Variants in ABR observed in about 807,000 individuals in gnomAD.
The protein encoded by ABR is active breakpoint cluster region-related protein.
ABR carries 35 observed loss-of-function variants against 107.2 expected under a neutral mutation model. The ratio of observed to expected loss-of-function variants is 0.33; its 90% CI spans 0.25 to 0.43. The LOEUF is 0.43. Ranked by LOEUF, ABR falls within the 20% of genes least tolerant of loss-of-function variation. The pLI, the probability that ABR is intolerant of heterozygous loss-of-function variation, is 1.00. For missense variants in ABR, 815 were observed against 1,115.2 expected, an observed-to-expected ratio of 0.73 and a Z score of 3.83; for synonymous variants, 498 against 462.0, an observed-to-expected ratio of 1.08 and a Z score of -1.00.
chr17:1,112,553 C>T (rs2038735889), intron 2 of ABR, among the ~76,000 whole-genome samples: 9 of 148,130 alleles, frequency 6.1e-5, no homozygotes, highest in Admixed American at 6.0e-4. Context: ...GCTATGATCG[C>T]ACCACTGCAC....
intron 16 of ABR, among the ~76,000 whole-genome samples, chr17:1,026,140 G>A (rs549779134): frequency 2.0e-5 from 3 of 152,376 alleles, no homozygotes; most frequent in South Asian, 4.1e-4. Flanking sequence ...CTGGATTCCA[G>A]GAGATCATCC....
chr17:1,140,860 A>G (rs977461829), intron 1 of ABR, among the ~76,000 whole-genome samples: 1 of 151,424 alleles, frequency 6.6e-6, no homozygotes. Context: ...TGAGATGACA[A>G]GTGTGAGCCA....
chr17:1,046,816 C>T (rs2031689534), intron 16 of ABR, among the ~76,000 whole-genome samples: 2 of 152,198 alleles, frequency 1.3e-5, no homozygotes, highest in Admixed American at 6.5e-5. Flanking sequence ...CCCCAGTGTC[C>T]TCATCTGTAA....
chr17:1,030,077 G>T (rs2072605844), intron 16 of ABR, among the ~76,000 whole-genome samples: 2 of 152,228 alleles, frequency 1.3e-5, no homozygotes, highest in South Asian at 4.1e-4. Flanking sequence ...CCCGGCGTCT[G>T]CCTGGCCACC....
intron 16 of ABR, chr17:1,031,646 G>C: frequency 3.2e-6 from 4 of 1,254,076 alleles, no homozygotes; most frequent in Non-Finnish European, 2.0e-6. Flanking sequence ...GCCGGGCGCC[G>C]GTGTTGGGGG....
At chr17:1,215,387 C>T (rs2042980804) in intron 1 of ABR, among the ~76,000 whole-genome samples, 1 of 152,210 alleles carries the variant, frequency 6.6e-6, no homozygotes, top group Non-Finnish European at 1.5e-5. Context: ...TGCAGGCGCG[C>T]GCTGCCATGC....
intron 10 of ABR, among the ~76,000 whole-genome samples, chr17:1,063,151 C>T (rs2034245343): frequency 2.2e-5 from 3 of 134,736 alleles, no homozygotes; most frequent in Non-Finnish European, 4.9e-5. Flanking sequence ...GAACTGAGGG[C>T]TATGCATGTT....
At position 1,028,381 on chromosome 17, in the gene ABR, G is replaced by A. The variant is rs553633090; in HGVS notation, c.1792-15217C>T. On this transcript the variant is annotated intron_variant, in intron 16 of 22. Transcript: ENST00000302538. ...CCCAAAGTGCTGGGATGACAGGCGT[G>A]AGCCACCACACTTGGCTAATTTTTG... Among the ~76,000 whole-genome samples, 6 of 152,216 alleles carry A rather than the reference G, an allele frequency of 3.9e-5. No homozygotes were observed. In the South Asian group the frequency reaches 1.2e-3, roughly 32 times the overall value.
intron 5 of ABR, among the ~76,000 whole-genome samples, chr17:1,080,849 C>T (rs892694509): frequency 6.6e-6 from 1 of 152,102 alleles, no homozygotes; most frequent in Non-Finnish European, 1.5e-5. Flanking sequence ...TTTCCTCACG[C>T]CCCCTCCAGT....
chr17:1,125,260 A>C lies in ABR; in HGVS notation c.169T>G (p.Ser57Ala). Residue 57 changes from serine to alanine, a missense_variant, in exon 2 of 23, where the codon TCC becomes GCC. Physicochemically the swap from Ser to Ala is moderately conservative, Grantham distance 99. Around this residue, in one of 5 missense-constraint regions of ABR, gnomAD observed 129 missense variants for 124.8 expected, o/e 1.03. Transcript: ENST00000302538. ...MPYIDESPTM[S>A]PQLSARSQGG... ...TGGCTGCGGGCGCTGAGCTGCGGGGACATGGTGGGCGACTCATCGATGTAC... is the reference window on the plus strand; with the variant it reads ...TGGCTGCGGGCGCTGAGCTGCGGGGCCATGGTGGGCGACTCATCGATGTAC... The C allele has an allele frequency of 1.2e-6, 2 of 1,613,070 alleles. No homozygotes were observed. Among genetic ancestry groups the C allele is most frequent in the Non-Finnish European group, 1.7e-6 (2 of 1,179,520 alleles).
rs945157645 is a variant in ABR, at chr17:1,010,279, G to A, written c.2236+450C>T. ...GGGTTTGGCCCAGGTGGGTGGAGGC[G>A]GAAGGCCTGCTGGCCGGGGCCCTCC... On this transcript the variant is annotated intron_variant, in intron 20 of 22. Transcript: ENST00000302538. This position sits in a 1 kb window ranked among gnomAD's most constrained non-coding sequence, Gnocchi z 4.1. 3.6e-5 allele frequency: 8 copies of A among 221,512 alleles called. No homozygotes were observed. The highest frequency in any genetic ancestry group is 1.9e-3 in the Middle Eastern group (1 of 528). The allele number at this position is 221,512 out of a possible 1,614,324, so 13.7% of individuals were successfully genotyped here.
intron 14 of ABR, among the ~76,000 whole-genome samples, chr17:1,054,025 G>T (rs1158351483): frequency 2.0e-5 from 3 of 152,172 alleles, no homozygotes; most frequent in Non-Finnish European, 2.9e-5. Context: ...TGCCCAAAAG[G>T]TTAGAGCTCC....
intron 2 of ABR, among the ~76,000 whole-genome samples, chr17:1,109,337 G>C (rs559522693): frequency 1.3e-5 from 2 of 151,826 alleles, no homozygotes; most frequent in African/African-American, 2.4e-5. Context: ...AGGCGAACCC[G>C]CCGCACAGCA....
rs1430276712 is a variant in ABR, at chr17:1,078,679, G to C, written c.700+651C>G. 1 of 914,698 alleles carries C rather than the reference G, an allele frequency of 1.1e-6. No homozygotes were observed. Among genetic ancestry groups the C allele is most frequent in the Non-Finnish European group, 1.6e-6 (1 of 613,522 alleles). 56.7% of individuals were successfully genotyped at this position (914,698 alleles called of 1,614,324 possible). A position where few individuals can be genotyped will look rare whatever the true frequency, so the allele number is the denominator to read the frequency against. ...GGCTGGATGCCGCCAAAACGAAGGG[G>C]GAATTCAGGTCCAGCCGCTCGCCCA... On this transcript the variant is annotated intron_variant, in intron 6 of 22. Transcript: ENST00000302538. This position sits in a 1 kb window ranked among gnomAD's most constrained non-coding sequence, Gnocchi z 7.5.
chr17:1,173,129 C>G (rs573167156), intron 1 of ABR, among the ~76,000 whole-genome samples: 1 of 121,578 alleles, frequency 8.2e-6, no homozygotes, highest in South Asian at 3.0e-4. Flanking sequence ...TCAGTCCACC[C>G]CCCACACATC....
intron 1 of ABR, among the ~76,000 whole-genome samples, chr17:1,217,998 T>G (rs2043046565): frequency 6.6e-6 from 1 of 151,850 alleles, no homozygotes; most frequent in Non-Finnish European, 1.5e-5. Context: ...CCCGACTAAT[T>G]TTTGTATTTT....
At chr17:1,091,295 G>GGGAGCACCGTCCGGGAAAGAC (rs1167263857) in intron 4 of ABR, among the ~76,000 whole-genome samples, 4 of 151,670 alleles carry the variant, frequency 2.6e-5, no homozygotes, top group African/African-American at 4.8e-5. Flanking sequence ...GGGAGAGAGA[G>GGGAGCACCGTCCGGGAAAGAC]GGAGCACCGT....
intron 1 of ABR, among the ~76,000 whole-genome samples, chr17:1,195,316 A>G (rs2042536688): frequency 6.9e-6 from 1 of 145,592 alleles, no homozygotes; most frequent in Admixed American, 6.9e-5. Flanking sequence ...AAAAAAAAAA[A>G]AAGTCCTGGC....
chr17:1,100,751 G>C lies in ABR; in HGVS notation c.247-16C>G. 6.2e-7 allele frequency: 1 copy of C among 1,613,538 alleles called. No individual in the cohort carries two copies. Among genetic ancestry groups the C allele is most frequent in the Non-Finnish European group, 8.5e-7 (1 of 1,179,562 alleles). On this transcript the variant is annotated splice_polypyrimidine_tract_variant and intron_variant, in intron 2 of 22. Transcript: ENST00000302538. ...CTGCTTCCACCTGCACAAACGCAAA[G>C]CACAGCCAACAGCTCATGAGCAAGG...
Sources: gnomAD v4.1 joint callset for allele counts (sites outside exome capture counted in the v4.1 genomes callset) on GRCh38, gnomAD v4.1.1 for gene constraint, gnomAD v4.1.1 regional missense constraint, Gnocchi (gnomAD v3.1) non-coding constraint, MANE v1.5 for transcripts, NCBI Gene and HGNC (gene_info 2026-07-23, HGNC 2026-07-21) for gene names.